The following PSD2 variants were observed in gnomAD, a reference collection of about 807,000 sequenced individuals.
PSD2 encodes pleckstrin and Sec7 domain containing 2, also known as PH and SEC7 domain-containing protein 2.
PSD2 carries 38 observed loss-of-function variants against 69.8 expected under a neutral mutation model. That is an observed-to-expected ratio of 0.54 (90% confidence interval 0.42 to 0.71). The LOEUF (loss-of-function observed/expected upper bound fraction) is 0.71, where lower values mean the gene tolerates loss of function less well. Among genes scored for constraint, PSD2 ranks in the 30% least tolerant of loss-of-function variants. The pLI is 0.00. For synonymous variants in PSD2, 412 were observed against 423.0 expected (o/e 0.97, Z 0.32); for missense variants, 943 against 1,014.5 (o/e 0.93, Z 0.96).
At chr5:139,791,362 C>G (rs916468436), upstream of PSD2, among the ~76,000 whole-genome samples, 1 of 152,018 alleles carries the variant, frequency 6.6e-6, no homozygotes, top group Non-Finnish European at 1.5e-5. Context: ...CCTGGGAAGT[C>G]AAGGCTGCAC....
At chr5:139,788,525 G>A in the PSD2 span, among the ~76,000 whole-genome samples, 3 of 152,150 alleles carry the variant, frequency 2.0e-5, no homozygotes, top group East Asian at 1.9e-4. Context: ...GACTGGGGGG[G>A]GCACAAGGGG....
the PSD2 span, among the ~76,000 whole-genome samples, chr5:139,748,801 A>C: frequency 6.6e-6 from 1 of 152,112 alleles, no homozygotes; most frequent in Non-Finnish European, 1.5e-5. Flanking sequence ...CGAGTAAATC[A>C]CCGCGATGAT....
intron 7 of PSD2, among the ~76,000 whole-genome samples, chr5:139,824,245 C>A (rs1760351744): frequency 6.6e-6 from 1 of 152,204 alleles, no homozygotes; most frequent in Non-Finnish European, 1.5e-5. Flanking sequence ...GGGCCAAGAG[C>A]ACCCCGCAGC....
chr5:139,748,524 C>T, the PSD2 span, among the ~76,000 whole-genome samples: 2 of 152,220 alleles, frequency 1.3e-5, no homozygotes, highest in Non-Finnish European at 2.9e-5. Flanking sequence ...CCATCATTTT[C>T]AAGCCAGCAC....
intron 2 of PSD2, among the ~76,000 whole-genome samples, chr5:139,812,547 G>C (rs1428072885): frequency 6.6e-6 from 1 of 152,206 alleles, no homozygotes; most frequent in African/African-American, 2.4e-5. Flanking sequence ...TTGTTCTGGG[G>C]CTGGGGATCA....
At chr5:139,841,580 A>G (rs1760872899) in intron 14 of PSD2, among the ~76,000 whole-genome samples, 1 of 152,210 alleles carries the variant, frequency 6.6e-6, no homozygotes, top group Admixed American at 6.5e-5. Context: ...TAACTTTTCG[A>G]TAAACCACCA....
rs1342734099 is a variant in PSD2, at chr5:139,814,137, G to A, written c.822-33G>A. The A allele has an allele frequency of 2.5e-6, 4 of 1,604,918 alleles. No individual in the cohort carries two copies. Among genetic ancestry groups the A allele is most frequent in the Non-Finnish European group, 3.4e-6 (4 of 1,176,316 alleles). ...CTGGGGCCTTTGACCCTGGGCCTCT[G>A]ACGCTACTCTTCCACCCACCTTCCA... On this transcript the variant is annotated intron_variant, in intron 3 of 14. Coordinates refer to ENST00000274710, the MANE Select transcript of PSD2 (RefSeq NM_032289.4). The surrounding 1 kb of genome is among the most constrained non-coding windows in gnomAD (Gnocchi z 4.4).
intron 2 of PSD2, among the ~76,000 whole-genome samples, chr5:139,812,235 G>A (rs528299160): frequency 2.0e-5 from 3 of 152,324 alleles, no homozygotes; most frequent in African/African-American, 7.2e-5. Flanking sequence ...GGAAGAAAAA[G>A]TAGGAAAAAA....
At position 139,842,690 on chromosome 5, in the gene PSD2, C is replaced by T. The variant is rs896335825; in HGVS notation, c.*216C>T. The T allele has an allele frequency of 5.3e-6, 3 of 561,634 alleles. No individual in the cohort carries two copies. The highest frequency in any genetic ancestry group is 6.4e-6 in the Non-Finnish European group (2 of 314,904). 34.8% of individuals were successfully genotyped at this position (561,634 alleles called of 1,614,324 possible). A position where few individuals can be genotyped will look rare whatever the true frequency, so the allele number is the denominator to read the frequency against. On this transcript the variant is annotated 3_prime_UTR_variant, in exon 15 of 15. Transcript: ENST00000274710. Reference sequence around the variant, plus strand: ...TCCGGGCATCAGACCCTCTCCCTGGCCCTTGTTTTCCTCTCCACCATGGAG... The same window carrying T: ...TCCGGGCATCAGACCCTCTCCCTGGTCCTTGTTTTCCTCTCCACCATGGAG...
chr5:139,821,860 G>C lies in PSD2; in HGVS notation c.1098-33G>C, dbSNP rs757907625. On this transcript the variant is annotated intron_variant, in intron 5 of 14. Coordinates refer to ENST00000274710, the MANE Select transcript of PSD2 (RefSeq NM_032289.4). ...TGGTCTTACCCTGGGTGAGGACTCA[G>C]ACTGCCCTCAGCAGCTTTGAATTGC... 4 of 1,388,054 alleles carry C rather than the reference G, an allele frequency of 2.9e-6. No homozygotes were observed. In the South Asian group the frequency reaches 5.1e-5, roughly 18 times the overall value. The allele number at this position is 1,388,054 out of a possible 1,614,324, so 86.0% of individuals were successfully genotyped here. A position where few individuals can be genotyped will look rare whatever the true frequency, so the allele number is the denominator to read the frequency against.
intron 7 of PSD2, among the ~76,000 whole-genome samples, chr5:139,827,695 C>T (rs1457978401): frequency 2.0e-5 from 3 of 152,114 alleles, no homozygotes; most frequent in Admixed American, 2.0e-4. Flanking sequence ...ACAATCATGG[C>T]GGAAGGGGAA....
At chr5:139,811,941 C>T (rs541564014) in intron 2 of PSD2, among the ~76,000 whole-genome samples, 2 of 152,136 alleles carry the variant, frequency 1.3e-5, no homozygotes, top group African/African-American at 2.4e-5. Flanking sequence ...GTTGTCCTCT[C>T]GTATCCCTTT....
At chr5:139,768,351 T>TG in the PSD2 span, among the ~76,000 whole-genome samples, 4 of 152,244 alleles carry the variant, frequency 2.6e-5, no homozygotes, top group South Asian at 8.3e-4. Flanking sequence ...ATGTGTGTAG[T>TG]GGGGGAGAGG....
chr5:139,793,061 C>T (rs1375388686), upstream of PSD2, among the ~76,000 whole-genome samples: 2 of 152,096 alleles, frequency 1.3e-5, no homozygotes, highest in Admixed American at 1.3e-4. Flanking sequence ...GATTCTCTTG[C>T]CTCCGGAGTA....
chr5:139,801,495 G>T (rs1759673891), intron 1 of PSD2, among the ~76,000 whole-genome samples: 2 of 152,056 alleles, frequency 1.3e-5, no homozygotes, highest in Non-Finnish European at 2.9e-5. Context: ...CTACCTTGTG[G>T]GTTGCTCCTT....
chr5:139,751,093 G>A, the PSD2 span, among the ~76,000 whole-genome samples: 4 of 152,150 alleles, frequency 2.6e-5, no homozygotes, highest in Non-Finnish European at 5.9e-5. Context: ...CTTGGGTAGA[G>A]GAGGGACAGG....
At chr5:139,821,872 C>T in intron 5 of PSD2, 21 bp from the exon 6 acceptor site, 3 of 1,516,318 alleles carry the variant, frequency 2.0e-6, no homozygotes, top group Non-Finnish European at 2.7e-6. Context: ...CTGCCCTCAG[C>T]AGCTTTGAAT....
the PSD2 span, among the ~76,000 whole-genome samples, chr5:139,779,883 A>C: frequency 1.3e-5 from 2 of 152,208 alleles, no homozygotes; most frequent in Non-Finnish European, 2.9e-5. Flanking sequence ...GTTGAGTAGG[A>C]ATCCATTGTA....
At chr5:139,759,464 G>C in the PSD2 span, among the ~76,000 whole-genome samples, 3 of 152,258 alleles carry the variant, frequency 2.0e-5, no homozygotes, top group Non-Finnish European at 2.9e-5. Flanking sequence ...GCCGGGAGGG[G>C]CCTGGGAGCT....
Sources: allele counts gnomAD v4.1 joint callset (sites outside exome capture counted in the v4.1 genomes callset), GRCh38; gene constraint gnomAD v4.1.1; non-coding constraint Gnocchi (gnomAD v3.1); transcripts MANE v1.5; gene names NCBI Gene and HGNC (gene_info 2026-07-23, HGNC 2026-07-21).